Variants in RNF4 observed in about 807,000 individuals in gnomAD.
The protein encoded by RNF4 is E3 ubiquitin-protein ligase RNF4.
A neutral mutation model predicts 24.3 loss-of-function variants in RNF4; 7 were observed. The observed-to-expected ratio is 0.29, with a 90% CI of 0.16 to 0.54. The LOEUF is 0.54. Ranked by LOEUF, RNF4 falls within the 20% of genes least tolerant of loss-of-function variation. RNF4 has a pLI of 0.95. For synonymous variants in RNF4, 83 were observed against 84.3 expected, an observed-to-expected ratio of 0.98 and a Z score of 0.09; for missense variants, 209 against 248.5, an observed-to-expected ratio of 0.84 and a Z score of 1.07.
Position 2,514,251 on chromosome 4 carries a change from C to T in RNF4, c.*432C>T, listed in dbSNP as rs1578530261. 5.4e-6 allele frequency: 1 copy of T among 186,480 alleles called. No individual in the cohort carries two copies. Among genetic ancestry groups the T allele is most frequent in the Non-Finnish European group, 1.1e-5 (1 of 87,390 alleles). 11.6% of individuals were successfully genotyped at this position (186,480 alleles called of 1,614,324 possible). ...ACCAAGCCAGACCCGGTTCACCCAG[C>T]TCGAGGATCCCAGGTTGAAGAGTGG... On this transcript the variant is annotated 3_prime_UTR_variant, in exon 8 of 8. Coordinates refer to ENST00000314289, the MANE Select transcript of RNF4 (RefSeq NM_002938.5).
At chr4:2,509,977 G>C (rs1286634926) in intron 4 of RNF4, among the ~76,000 whole-genome samples, 2 of 152,156 alleles carry the variant, frequency 1.3e-5, no homozygotes, top group Non-Finnish European at 2.9e-5. Flanking sequence ...TCCTTTTCTA[G>C]ATTTCATGCG....
In RNF4 at chr4:2,469,177, C is replaced by G. The variant is rs893525005; in HGVS notation, c.-239C>G. On this transcript the variant is annotated 5_prime_UTR_variant, in exon 1 of 8. Coordinates refer to ENST00000314289, the MANE Select transcript of RNF4 (RefSeq NM_002938.5). ...CTCTCCTGGGCGGCTGAAGAAGGAG[C>G]TTCTTCTCCGGAGTGCGCCGGCGGT... The G allele has an allele frequency of 6.6e-6, 1 of 152,282 alleles. No individual in the cohort carries two copies. The highest frequency in any genetic ancestry group is 1.9e-4 in the East Asian group (1 of 5,168). 9.4% of individuals were successfully genotyped at this position (152,282 alleles called of 1,614,324 possible).
chr4:2,515,183 G>A lies in RNF4; in HGVS notation c.*1364G>A, dbSNP rs1736382035. On this transcript the variant is annotated 3_prime_UTR_variant, in exon 8 of 8. Transcript: ENST00000314289. The stretch of plus-strand genomic sequence containing the variant: ...TGTGAAACATCTTCAGGGCGGGAAA[G>A]GGGCCACTTCTGGCTTTGTTAGCAA... 6.5e-6 allele frequency: 1 copy of A among 152,676 alleles called. No homozygotes were observed. The highest frequency in any genetic ancestry group is 6.5e-5 in the Admixed American group (1 of 15,280). The allele number at this position is 152,676 out of a possible 1,614,324, so 9.5% of individuals were successfully genotyped here. A position where few individuals can be genotyped will look rare whatever the true frequency, so the allele number is the denominator to read the frequency against.
intron 1 of RNF4, among the ~76,000 whole-genome samples, chr4:2,476,282 G>A (rs945680435): frequency 6.6e-6 from 1 of 152,182 alleles, no homozygotes; most frequent in African/African-American, 2.4e-5. Flanking sequence ...GTACCTTCTT[G>A]ATGTCTTCCA....
chr4:2,500,688 G>C lies in RNF4; in HGVS notation c.154G>C (p.Glu52Gln). The change falls in exon 4 of 8, where the codon GAA becomes CAA. Residue 52 changes from glutamate (E) to glutamine (Q), a missense_variant. Glu to Gln is a conservative substitution (Grantham distance 29, BLOSUM62 2). Around this residue, in one of 3 missense-constraint regions of RNF4, gnomAD observed 182 missense variants for 197.2 expected, o/e 0.92. Transcript: ENST00000314289. ...AGATGAAATTGTGGACCTCACTTGT[G>C]AATCTTTAGAGCCTGTGGTGGTTGA... is the stretch of plus-strand genomic sequence containing the variant. ...AGDEIVDLTC[E>Q]SLEPVVVDLT... 2 of 1,613,874 alleles carry C rather than the reference G, an allele frequency of 1.2e-6. No homozygotes were observed. Among genetic ancestry groups the C allele is most frequent in the Non-Finnish European group, 1.7e-6 (2 of 1,179,828 alleles).
chr4:2,509,773 C>G (rs1226926550), intron 4 of RNF4, among the ~76,000 whole-genome samples: 1 of 152,176 alleles, frequency 6.6e-6, no homozygotes, highest in Non-Finnish European at 1.5e-5. Context: ...AGTACGCGCA[C>G]TGTCATGGCT....
chr4:2,491,836 C>G (rs1046187967), intron 2 of RNF4, among the ~76,000 whole-genome samples: 3 of 151,944 alleles, frequency 2.0e-5, no homozygotes, highest in African/African-American at 7.2e-5. Flanking sequence ...TGGAGTCAAG[C>G]AATCCTTTCA....
At chr4:2,497,673 C>T (rs546101477) in intron 3 of RNF4, among the ~76,000 whole-genome samples, 50 of 152,194 alleles carry the variant, frequency 3.3e-4, no homozygotes, top group Non-Finnish European at 5.9e-4. Context: ...CTTGCTCTGT[C>T]GCCCAAGCTA....
Position 2,512,284 on chromosome 4 carries a change from A to G in RNF4, c.215-154A>G, listed in dbSNP as rs1736290427. 2 of 925,222 alleles carry G rather than the reference A, an allele frequency of 2.2e-6. No homozygotes were observed. The highest frequency in any genetic ancestry group is 3.3e-5 in the African/African-American group (2 of 60,672). 57.3% of individuals were successfully genotyped at this position (925,222 alleles called of 1,614,324 possible). A position where few individuals can be genotyped will look rare whatever the true frequency, so the allele number is the denominator to read the frequency against. On this transcript the variant is annotated intron_variant, in intron 5 of 7. Transcript: ENST00000314289. This position sits in a 1 kb window ranked among gnomAD's most constrained non-coding sequence, Gnocchi z 4.1. ...AAGATAGTGGCCTCCAGAGCTGGGC[A>G]GAACCTTCTGGGTTATAGCTGAGCA... is the stretch of plus-strand genomic sequence containing the variant.
At chr4:2,490,669 C>A in intron 2 of RNF4, 167 bp downstream of exon 2, 1 of 623,390 alleles carries the variant, frequency 1.6e-6, no homozygotes, top group Non-Finnish European at 2.7e-6. Flanking sequence ...GCTTACTTAC[C>A]GACATTGAGC....
intron 1 of RNF4, among the ~76,000 whole-genome samples, chr4:2,470,827 CTT>C (rs35847184): frequency 8.1e-5 from 12 of 147,954 alleles, no homozygotes; most frequent in East Asian, 2.0e-4. Context: ...CAAATACTGC[CTT>C]TTTTTTTTTG....
chr4:2,513,172 A>G (rs374314887), intron 7 of RNF4, 41 bp downstream of exon 7: 24 of 1,579,868 alleles, frequency 1.5e-5, no homozygotes, highest in Non-Finnish European at 2.0e-5. Flanking sequence ...TCTGGTTTCT[A>G]AACTTCACTG....
At chr4:2,470,036 C>G (rs1416559204) in intron 1 of RNF4, 4 of 152,254 alleles carry the variant, frequency 2.6e-5, no homozygotes, top group Non-Finnish European at 5.9e-5. Context: ...TTGGGCAAGC[C>G]GTTTTGGTAG....
At chr4:2,494,657 G>C (rs1735681696) in intron 2 of RNF4, 1 of 152,194 alleles carries the variant, frequency 6.6e-6, no homozygotes, top group South Asian at 2.1e-4. Context: ...TGGGATTACA[G>C]GCATGCGCCA....
At chr4:2,492,823 C>T (rs1365812522) in intron 2 of RNF4, among the ~76,000 whole-genome samples, 2 of 152,202 alleles carry the variant, frequency 1.3e-5, no homozygotes, top group African/African-American at 2.4e-5. Context: ...TGTAGCTCAC[C>T]TATGGGGAAA....
At chr4:2,479,553 C>G (rs571448944) in intron 1 of RNF4, among the ~76,000 whole-genome samples, 2 of 152,084 alleles carry the variant, frequency 1.3e-5, no homozygotes, top group Admixed American at 1.3e-4. Flanking sequence ...GGGGAGTTTC[C>G]GTGCACAAGC....
rs191047869 is a variant in RNF4, at chr4:2,482,275, C to T, written c.-157-8062C>T. 3.1e-4 allele frequency among the ~76,000 whole-genome samples: 47 copies of T among 152,256 alleles called. 1 individual carries two copies. Among genetic ancestry groups the T allele is most frequent in the Admixed American group, 2.4e-3 (36 of 15,294 alleles). On this transcript the variant is annotated intron_variant, in intron 1 of 7. Transcript: ENST00000314289. ...GATTTGTGAGTGTCTCACAACCATC[C>T]CTGTACCCCAGCCAACCCTGGGTTC...
At chr4:2,495,125 G>A (rs1413038363) in intron 2 of RNF4, among the ~76,000 whole-genome samples, 3 of 152,166 alleles carry the variant, frequency 2.0e-5, no homozygotes, top group Non-Finnish European at 4.4e-5. Context: ...TGCTCACTTG[G>A]GAGTTTTGGC....
At chr4:2,481,753 G>T (rs1735252071) in intron 1 of RNF4, among the ~76,000 whole-genome samples, 1 of 152,112 alleles carries the variant, frequency 6.6e-6, no homozygotes, top group Non-Finnish European at 1.5e-5. Context: ...TATCACCGAG[G>T]CAGGAGTGCA....
Sources: gnomAD v4.1 joint callset for allele counts (sites outside exome capture counted in the v4.1 genomes callset) on GRCh38, gnomAD v4.1.1 for gene constraint, gnomAD v4.1.1 regional missense constraint, Gnocchi (gnomAD v3.1) non-coding constraint, MANE v1.5 for transcripts, NCBI Gene and HGNC (gene_info 2026-07-23, HGNC 2026-07-21) for gene names.